Variants in CFH observed in about 807,000 individuals in gnomAD.
CFH encodes complement factor H.
In CFH, 53 loss-of-function variants were observed where a neutral mutation model predicts 147.3. That is an observed-to-expected ratio of 0.36 (90% CI 0.29 to 0.45). The LOEUF (loss-of-function observed/expected upper bound fraction) is 0.45, where lower values mean the gene tolerates loss of function less well. Among genes scored for constraint, CFH ranks in the 20% least tolerant of loss-of-function variants. The pLI is 1.00. For synonymous variants in CFH, 536 were observed against 489.4 expected (o/e 1.10, Z -1.26); for missense variants, 1,380 against 1,498.0 (o/e 0.92, Z 1.30).
At chr1:196,675,739 T>C (rs1236884864) in intron 3 of CFH, among the ~76,000 whole-genome samples, 1 of 151,610 alleles carries the variant, frequency 6.6e-6, no homozygotes, top group Non-Finnish European at 1.5e-5. Context: ...GAGAGAGAGG[T>C]TAAGAGATTT....
At chr1:196,672,529 G>T (rs561945265) in intron 1 of CFH, among the ~76,000 whole-genome samples, 7 of 152,114 alleles carry the variant, frequency 4.6e-5, no homozygotes, top group African/African-American at 1.7e-4. Context: ...ACATCTCTTT[G>T]ATTACTTAAT....
In CFH at chr1:196,713,772, G is replaced by T. The variant is rs2149102094; in HGVS notation, c.1374G>T (p.Gly458=). 6.2e-7 allele frequency: 1 copy of T among 1,602,482 alleles called. No homozygotes were observed. Among genetic ancestry groups the T allele is most frequent in the Non-Finnish European group, 8.5e-7 (1 of 1,170,308 alleles). The change falls in exon 10 of 22, where the codon GGG becomes GGT. Residue 458 remains glycine, a synonymous_variant. Coordinates refer to ENST00000367429, the MANE Select transcript of CFH (RefSeq NM_000186.4). ...CSKSSIDIEN[G]FISESQYTYA... ...AATCAAGTATAGATATTGAGAATGG[G>T]TTTATTTCTGAATCTCAGTATACAT... is the stretch of plus-strand genomic sequence containing the variant.
chr1:196,682,789 G>A (rs1667700429), intron 6 of CFH, among the ~76,000 whole-genome samples: 1 of 151,476 alleles, frequency 6.6e-6, no homozygotes, highest in Admixed American at 6.6e-5. Flanking sequence ...TTTAAAACTT[G>A]TATATTAAGT....
At chr1:196,672,236 T>A (rs536760857) in intron 1 of CFH, among the ~76,000 whole-genome samples, 1 of 152,234 alleles carries the variant, frequency 6.6e-6, no homozygotes, top group East Asian at 1.9e-4. Context: ...TCAATCCATA[T>A]CCAGAGCTGA....
At chr1:196,663,383 GGTT>G (rs1206002901) in intron 1 of CFH, among the ~76,000 whole-genome samples, 3 of 151,604 alleles carry the variant, frequency 2.0e-5, no homozygotes, top group African/African-American at 7.3e-5. Context: ...GATTAAAATG[GGTT>G]TTTTCATTTT....
chr1:196,666,307 T>G (rs981297214), intron 1 of CFH, among the ~76,000 whole-genome samples: 5 of 152,368 alleles, frequency 3.3e-5, no homozygotes, highest in African/African-American at 1.2e-4. Flanking sequence ...ACTAGTTTCT[T>G]GAATTAGAAA....
chr1:196,677,732 G>T (rs1040353857), intron 5 of CFH, 65 bp downstream of exon 5: 4 of 1,431,766 alleles, frequency 2.8e-6, no homozygotes, highest in Non-Finnish European at 3.9e-6. Flanking sequence ...TTAAAACATC[G>T]TTCATTCTAA....
intron 6 of CFH, among the ~76,000 whole-genome samples, chr1:196,683,712 T>A (rs1486576277): frequency 6.6e-6 from 1 of 151,784 alleles, no homozygotes; most frequent in Non-Finnish European, 1.5e-5. Context: ...CACTGAAGAC[T>A]AAACTAAAGA....
intron 9 of CFH, among the ~76,000 whole-genome samples, chr1:196,696,263 T>G (rs1668264198): frequency 6.6e-6 from 1 of 152,106 alleles, no homozygotes; most frequent in Non-Finnish European, 1.5e-5. Context: ...AAACAGTCTC[T>G]CAGACCACAG....
chr1:196,687,115 C>A (rs1667855300), intron 7 of CFH, among the ~76,000 whole-genome samples: 1 of 152,034 alleles, frequency 6.6e-6, no homozygotes, highest in Admixed American at 6.6e-5. Context: ...ACTCTAAGAT[C>A]CTGGACTTGG....
At chr1:196,668,170 T>G (rs983844857) in intron 1 of CFH, among the ~76,000 whole-genome samples, 2 of 152,170 alleles carry the variant, frequency 1.3e-5, no homozygotes, top group African/African-American at 4.8e-5. Context: ...TATTCCTTTT[T>G]GTACTTCTTT....
intron 9 of CFH, chr1:196,700,940 G>A: frequency 3.6e-6 from 3 of 827,260 alleles, no homozygotes; most frequent in Non-Finnish European, 4.4e-6. Flanking sequence ...TTCCTTCTGT[G>A]TGTGTGTGCC....
intron 9 of CFH, among the ~76,000 whole-genome samples, chr1:196,705,891 G>C (rs1668573033): frequency 6.6e-6 from 1 of 152,166 alleles, no homozygotes; most frequent in South Asian, 2.1e-4. Context: ...GTGTTACTTT[G>C]AGAGCTGTTT....
intron 1 of CFH, among the ~76,000 whole-genome samples, chr1:196,662,267 A>G (rs1163196851): frequency 1.3e-5 from 2 of 152,174 alleles, no homozygotes; most frequent in Admixed American, 1.3e-4. Context: ...GCTCATTAAT[A>G]CCTTTCTGTT....
At chr1:196,722,970 T>C (rs1669036734) in intron 11 of CFH, among the ~76,000 whole-genome samples, 1 of 152,110 alleles carries the variant, frequency 6.6e-6, no homozygotes, top group Non-Finnish European at 1.5e-5. Context: ...TTTTCATTCA[T>C]ATCCTGAGTT....
At chr1:196,719,992 A>G (rs936322448) in intron 11 of CFH, among the ~76,000 whole-genome samples, 2 of 151,798 alleles carry the variant, frequency 1.3e-5, no homozygotes, top group African/African-American at 2.4e-5. Context: ...ACATTAAACA[A>G]AAATACCAAT....
At chr1:196,687,034 G>A (rs1026775444) in intron 7 of CFH, among the ~76,000 whole-genome samples, 11 of 152,004 alleles carry the variant, frequency 7.2e-5, no homozygotes, top group Non-Finnish European at 1.5e-5. Context: ...ATCTGCATTA[G>A]GGCAGTTCAG....
intron 9 of CFH, among the ~76,000 whole-genome samples, chr1:196,699,261 T>C (rs1049394142): frequency 1.3e-5 from 2 of 152,122 alleles, no homozygotes; most frequent in African/African-American, 4.8e-5. Flanking sequence ...TCCATTCTAA[T>C]ATGTGTGTGA....
Position 196,713,924 on chromosome 1 carries a change from A to G in CFH, c.1519+7A>G, listed in dbSNP as rs139271639. 89 of 1,610,198 alleles carry G rather than the reference A, an allele frequency of 5.5e-5. No individual in the cohort carries two copies. The African/African-American group carries it at 1.0e-3, about 19-fold the overall frequency. The stretch of plus-strand genomic sequence containing the variant: ...GCTCAACCCACGTGCATTAGTAAGT[A>G]ATTTATTATGTTTGTATTGATTATC... On this transcript the variant is annotated splice_region_variant and intron_variant, in intron 10 of 21. Coordinates refer to ENST00000367429, the MANE Select transcript of CFH (RefSeq NM_000186.4).
Sources: gnomAD v4.1 joint callset for allele counts (sites outside exome capture counted in the v4.1 genomes callset) on GRCh38, gnomAD v4.1.1 for gene constraint, MANE v1.5 for transcripts, NCBI Gene and HGNC (gene_info 2026-07-23, HGNC 2026-07-21) for gene names.